SPMIP9: variants seen among roughly 807,000 people sequenced by gnomAD.
SPMIP9 encodes sperm microtubule inner protein 9.
At chr2:88,526,999 G>A in the SPMIP9 span, among the ~76,000 whole-genome samples, 191 of 152,218 alleles carry the variant, frequency 1.3e-3, no homozygotes, top group African/African-American at 4.6e-3. Flanking sequence ...CATCAAATAC[G>A]TCATGCATAC....
the SPMIP9 span, among the ~76,000 whole-genome samples, chr2:88,526,741 T>C: frequency 5.9e-5 from 9 of 152,210 alleles, no homozygotes; most frequent in East Asian, 3.9e-4. Flanking sequence ...CTCGGCTCAC[T>C]ACAACCTCTG....
chr2:88,528,913 T>C, the SPMIP9 span: 1 of 804,386 alleles, frequency 1.2e-6, no homozygotes, highest in Non-Finnish European at 2.0e-6. Flanking sequence ...CCCTCTGTTG[T>C]ATATGTTACC....
At chr2:88,528,412 A>G in the SPMIP9 span, among the ~76,000 whole-genome samples, 955 of 152,344 alleles carry the variant, frequency 6.3e-3, 7 homozygotes, top group African/African-American at 0.022. Flanking sequence ...TGCTGGGATT[A>G]CAGGCGTAAG....
At chr2:88,527,909 A>G in the SPMIP9 span, among the ~76,000 whole-genome samples, 1 of 152,176 alleles carries the variant, frequency 6.6e-6, no homozygotes, top group Admixed American at 6.5e-5. Context: ...ATTGCTTGGT[A>G]TTGGCAGACA....
chr2:88,525,942 A>C, the SPMIP9 span, among the ~76,000 whole-genome samples: 1 of 151,976 alleles, frequency 6.6e-6, no homozygotes, highest in Non-Finnish European at 1.5e-5. Flanking sequence ...GACTGCAGAG[A>C]TGTCTAAGTA....
At chr2:88,525,516 G>C in the SPMIP9 span, 1 of 1,009,674 alleles carries the variant, frequency 9.9e-7, no homozygotes, top group Non-Finnish European at 1.6e-6. Flanking sequence ...GCCCAGGGAA[G>C]ATGGGGAGGA....
At chr2:88,525,583 C>A in the SPMIP9 span, 1 of 1,605,998 alleles carries the variant, frequency 6.2e-7, no homozygotes, top group Non-Finnish European at 8.5e-7. Context: ...AAGATAGTGG[C>A]TACTTTCCTT....
chr2:88,529,082 A>G, the SPMIP9 span: 3 of 1,613,694 alleles, frequency 1.9e-6, no homozygotes, highest in Admixed American at 5.0e-5. Context: ...ACTCCGGGAC[A>G]AAGAGTTTTA....
At chr2:88,526,257 A>T in the SPMIP9 span, 1 of 646,414 alleles carries the variant, frequency 1.5e-6, no homozygotes, top group Non-Finnish European at 2.8e-6. Flanking sequence ...GCGGGATGGT[A>T]AAAATGGGTC....
chr2:88,527,325 CT>C, the SPMIP9 span, among the ~76,000 whole-genome samples: 1 of 152,090 alleles, frequency 6.6e-6, no homozygotes, highest in Non-Finnish European at 1.5e-5. Context: ...GAAATCCCGT[CT>C]CTATAAAAAA....
chr2:88,529,100 A>G, the SPMIP9 span: 1 of 1,614,120 alleles, frequency 6.2e-7, no homozygotes, highest in Non-Finnish European at 8.5e-7. Flanking sequence ...TTACAGGCCC[A>G]TCCCTAACCC....
the SPMIP9 span, chr2:88,525,514 A>C: frequency 1.0e-6 from 1 of 989,106 alleles, no homozygotes. Flanking sequence ...GAGCCCAGGG[A>C]AGATGGGGAG....
chr2:88,525,432 C>T, the SPMIP9 span, among the ~76,000 whole-genome samples: 1 of 152,214 alleles, frequency 6.6e-6, no homozygotes, highest in South Asian at 2.1e-4. Flanking sequence ...CTGAGTCCTG[C>T]TCCAGCCCCT....
the SPMIP9 span, among the ~76,000 whole-genome samples, chr2:88,527,567 C>T: frequency 1.3e-5 from 2 of 152,174 alleles, no homozygotes; most frequent in Admixed American, 1.3e-4. Context: ...CCACAATTGT[C>T]ACTTTTTGCT....
chr2:88,528,034 T>G, the SPMIP9 span, among the ~76,000 whole-genome samples: 3 of 152,210 alleles, frequency 2.0e-5, no homozygotes, highest in African/African-American at 7.2e-5. Context: ...GATTTGCTAT[T>G]TTATAAAATG....
chr2:88,529,490 C>T, the SPMIP9 span: 4 of 1,595,708 alleles, frequency 2.5e-6, no homozygotes, highest in African/African-American at 4.0e-5. Context: ...ATGAAAATAC[C>T]TTCCAAAGGC....
the SPMIP9 span, chr2:88,529,143 T>C: frequency 6.2e-7 from 1 of 1,614,108 alleles, no homozygotes; most frequent in South Asian, 1.1e-5. Flanking sequence ...TACCCTGCTT[T>C]CAAAAGACCC....
the SPMIP9 span, among the ~76,000 whole-genome samples, chr2:88,527,554 C>T: frequency 6.6e-6 from 1 of 152,160 alleles, no homozygotes; most frequent in Non-Finnish European, 1.5e-5. Context: ...GATTTGTACC[C>T]TTCCACAATT....
chr2:88,525,889 T>C, the SPMIP9 span, among the ~76,000 whole-genome samples: 3 of 151,682 alleles, frequency 2.0e-5, no homozygotes, highest in African/African-American at 7.3e-5. Context: ...AGCATGCACT[T>C]ATTAGGCACC....
Sources: gnomAD v4.1 joint callset for allele counts (sites outside exome capture counted in the v4.1 genomes callset) on GRCh38, gnomAD v4.1.1 for gene constraint, MANE v1.5 for transcripts, NCBI Gene and HGNC (gene_info 2026-07-23, HGNC 2026-07-21) for gene names.